Variants in SMARCA1 observed in about 807,000 individuals in gnomAD.
SMARCA1 encodes SWI/SNF-related matrix-associated actin-dependent regulator of chromatin subfamily A member 1.
A neutral mutation model predicts 93.6 loss-of-function variants in SMARCA1; 17 were observed. That is an observed-to-expected ratio of 0.18 (90% confidence interval 0.12 to 0.27). SMARCA1 has a LOEUF of 0.27. Among genes scored for constraint, SMARCA1 ranks in the 10% least tolerant of loss-of-function variants. The probability of loss-of-function intolerance (pLI) is 1.00; values close to 1 mark genes in which losing one functional copy is unlikely to be tolerated. For missense variants in SMARCA1, 630 were observed against 819.0 expected (o/e 0.77, Z 2.82); for synonymous variants, 271 against 271.4 (o/e 1.00, Z 0.01).
chrX:129,469,270 T>C (rs1268802331), intron 20 of SMARCA1, among the ~76,000 whole-genome samples: 1 of 111,033 alleles, frequency 9.0e-6, no homozygotes, highest in Non-Finnish European at 1.9e-5. Context: ...TGTTCCTACA[T>C]AAATTAAAAG....
intron 17 of SMARCA1, among the ~76,000 whole-genome samples, chrX:129,484,136 T>C (rs1419359863): frequency 8.9e-6 from 1 of 111,926 alleles, no homozygotes; most frequent in Non-Finnish European, 1.9e-5. Flanking sequence ...GGAAACCAGT[T>C]ACAGATAGCC....
chrX:129,473,016 G>A (rs1260443079), intron 19 of SMARCA1, among the ~76,000 whole-genome samples: 1 of 111,534 alleles, frequency 9.0e-6, no homozygotes, highest in Non-Finnish European at 1.9e-5. Context: ...GGAGAAGGAA[G>A]AAAGAATATT....
chrX:129,458,026 G>T (rs940380439), intron 23 of SMARCA1, among the ~76,000 whole-genome samples: 14 of 111,732 alleles, frequency 1.3e-4, no homozygotes, highest in Admixed American at 3.8e-4. Flanking sequence ...TTTAAGCCAG[G>T]TGTTGGTATA....
intron 8 of SMARCA1, among the ~76,000 whole-genome samples, chrX:129,505,423 A>G (rs1934771651): frequency 9.0e-6 from 1 of 110,517 alleles, no homozygotes; most frequent in African/African-American, 3.3e-5. Context: ...GAGGAAGGAG[A>G]ATCACTTTAA....
At chrX:129,510,462 G>A (rs1333644930) in intron 6 of SMARCA1, among the ~76,000 whole-genome samples, 2 of 112,124 alleles carry the variant, frequency 1.8e-5, no homozygotes, top group South Asian at 3.7e-4. Context: ...CAGCAACTCA[G>A]GAACCCGAGG....
chrX:129,465,056 TA>T (rs766675500), intron 23 of SMARCA1, among the ~76,000 whole-genome samples: 1 of 110,318 alleles, frequency 9.1e-6, no homozygotes, highest in Non-Finnish European at 1.9e-5. Context: ...TCATCAATTT[TA>T]AAAAAAACAG....
intron 11 of SMARCA1, among the ~76,000 whole-genome samples, chrX:129,497,451 GCTCT>G (rs1473434630): frequency 2.7e-5 from 3 of 111,624 alleles, no homozygotes; most frequent in Non-Finnish European, 5.6e-5. Context: ...AGTACCATAT[GCTCT>G]CTGTGTTCCC....
intron 23 of SMARCA1, among the ~76,000 whole-genome samples, chrX:129,461,242 A>T (rs1445832076): frequency 8.9e-6 from 1 of 112,121 alleles, no homozygotes; most frequent in East Asian, 2.8e-4. Context: ...AGAGGTTAAA[A>T]GGTAAGAATT....
intron 12 of SMARCA1, among the ~76,000 whole-genome samples, chrX:129,494,415 CT>C (rs769614760): frequency 2.7e-5 from 3 of 111,551 alleles, no homozygotes; most frequent in Non-Finnish European, 5.6e-5. Context: ...TTGAAATATC[CT>C]CATACGTATA....
intron 19 of SMARCA1, among the ~76,000 whole-genome samples, chrX:129,479,132 T>A (rs183016253): frequency 8.9e-6 from 1 of 112,091 alleles, no homozygotes; most frequent in African/African-American, 3.2e-5. Flanking sequence ...AAATGTTCTA[T>A]GCAAATATTT....
intron 9 of SMARCA1, among the ~76,000 whole-genome samples, chrX:129,501,801 G>T (rs1436097106): frequency 9.0e-6 from 1 of 110,530 alleles, no homozygotes; most frequent in Non-Finnish European, 1.9e-5. Flanking sequence ...TTTTAGTAGA[G>T]ATGTGGTTTC....
At chrX:129,506,516 T>A (rs1452399335) in intron 7 of SMARCA1, among the ~76,000 whole-genome samples, 1 of 107,897 alleles carries the variant, frequency 9.3e-6, no homozygotes, top group Non-Finnish European at 1.9e-5. Context: ...TGAAACCCCA[T>A]CTCTACTAAA....
In SMARCA1 at chrX:129,446,829, A is replaced by C. The variant is rs1359551260; in HGVS notation, c.*333T>G. On this transcript the variant is annotated 3_prime_UTR_variant, in exon 25 of 25. Coordinates refer to ENST00000371121, the MANE Select transcript of SMARCA1 (RefSeq NM_001282874.2). The stretch of plus-strand genomic sequence containing the variant: ...TTAAAGTATGAAACAACAATAATAC[A>C]ACTATAGAATCTAGGTTCTCTTTCA... 1 of 154,585 alleles carries C rather than the reference A, an allele frequency of 6.5e-6. No individual in the cohort carries two copies. Among genetic ancestry groups the C allele is most frequent in the African/African-American group, 3.1e-5 (1 of 31,854 alleles). The allele number at this position is 154,585 out of a possible 1,213,427, so 12.7% of individuals were successfully genotyped here.
chrX:129,513,547 TTA>T (rs1325687544), intron 5 of SMARCA1, among the ~76,000 whole-genome samples: 2 of 99,654 alleles, frequency 2.0e-5, no homozygotes, highest in African/African-American at 7.7e-5. Flanking sequence ...TATATATATA[TTA>T]AAAAAAGTAA....
intron 23 of SMARCA1, 64 bp from the exon 24 acceptor site, chrX:129,448,507 A>G (rs758848021): frequency 8.4e-6 from 8 of 951,272 alleles, no homozygotes; most frequent in African/African-American, 2.0e-5. Flanking sequence ...AACGCTGACA[A>G]CTATTTAACT....
chrX:129,518,108 C>A (rs777019473), intron 2 of SMARCA1, among the ~76,000 whole-genome samples: 2 of 111,385 alleles, frequency 1.8e-5, no homozygotes, highest in South Asian at 7.5e-4. Context: ...GAGCACCGAA[C>A]CAAAATGAGA....
intron 23 of SMARCA1, 86 bp downstream of exon 23, chrX:129,465,434 T>C (rs767559839): frequency 3.9e-5 from 23 of 586,895 alleles, no homozygotes; most frequent in Non-Finnish European, 5.8e-5. Flanking sequence ...AAAATGTTAA[T>C]TGGAGAATCT....
Position 129,504,759 on chromosome X carries a change from T to C in SMARCA1, c.1142A>G (p.Gln381Arg), listed in dbSNP as rs764151385. 32 of 1,201,255 alleles carry C rather than the reference T, an allele frequency of 2.7e-5. No homozygotes were observed. The African/African-American group carries it at 4.9e-4, about 19-fold the overall frequency. The change falls in exon 9 of 25, where the codon CAA (glutamine) becomes CGA (arginine). Residue 381 changes from glutamine to arginine, a missense_variant. Around this residue, in one of 4 missense-constraint regions of SMARCA1, gnomAD observed 382 missense variants for 537.9 expected, o/e 0.71. Transcript: ENST00000371121. ...TGCATGAAGTCTTTCCACGAGTTTT[T>C]GATCACCAAGACAATTTTTAGTGTC... ...WFDTKNCLGD[Q>R]KLVERLHAVL...
chrX:129,473,544 G>A (rs990548943), intron 19 of SMARCA1, among the ~76,000 whole-genome samples: 2 of 111,836 alleles, frequency 1.8e-5, no homozygotes. Context: ...CCAAAAGCCA[G>A]AAAACAGCCC....
Sources: allele counts gnomAD v4.1 joint callset (sites outside exome capture counted in the v4.1 genomes callset), GRCh38; gene constraint gnomAD v4.1.1; regional missense constraint gnomAD v4.1.1; transcripts MANE v1.5; gene names NCBI Gene and HGNC (gene_info 2026-07-23, HGNC 2026-07-21).